The following METTL16 variants were observed in gnomAD, a reference collection of about 807,000 sequenced individuals.
METTL16 encodes the protein RNA N(6)-adenosine-methyltransferase METTL16.
Under a neutral mutation model 57.9 loss-of-function variants are expected in METTL16, and 19 were observed. That is an observed-to-expected ratio of 0.33 (90% CI 0.23 to 0.48). The LOEUF (loss-of-function observed/expected upper bound fraction) is 0.48. METTL16 is among the 20% of genes least tolerant of loss of function. METTL16 has a pLI of 0.99. For missense variants in METTL16, 434 were observed against 691.5 expected (o/e 0.63, Z 4.18); for synonymous variants, 246 against 255.6 (o/e 0.96, Z 0.36).
At chr17:2,445,436 T>C (rs976199102) in intron 6 of METTL16, among the ~76,000 whole-genome samples, 1 of 152,150 alleles carries the variant, frequency 6.6e-6, no homozygotes, top group Non-Finnish European at 1.5e-5. Context: ...AAACATCACC[T>C]TGTACCCCCC....
intron 1 of METTL16, among the ~76,000 whole-genome samples, chr17:2,502,721 A>T (rs2067498801): frequency 6.6e-6 from 1 of 152,088 alleles, no homozygotes; most frequent in Non-Finnish European, 1.5e-5. Context: ...AAAGCTGTGG[A>T]TGCCAAGTTA....
intron 2 of METTL16, among the ~76,000 whole-genome samples, chr17:2,494,268 C>G (rs2067424098): frequency 6.6e-6 from 1 of 152,148 alleles, no homozygotes; most frequent in Non-Finnish European, 1.5e-5. Context: ...GTGATCCACC[C>G]ACCTTGGCCT....
At position 2,451,736 on chromosome 17, in the gene METTL16, T is replaced by G. The variant is rs143025191; in HGVS notation, c.729-10177A>C. On this transcript the variant is annotated intron_variant, in intron 6 of 9. Coordinates refer to ENST00000263092, the MANE Select transcript of METTL16 (RefSeq NM_024086.4). ...GGAAGGAAGAGAAATCGGGAGCAAT[T>G]AGTGCTGACACAGTAACAGCATAAA... Among the ~76,000 whole-genome samples the G allele has an allele frequency of 2.1e-3, 326 of 152,116 alleles. 6 individuals carry two copies. The highest frequency in any genetic ancestry group is 7.2e-3 in the African/African-American group (301 of 41,536).
intron 6 of METTL16, among the ~76,000 whole-genome samples, chr17:2,445,988 G>A (rs2066992555): frequency 6.6e-6 from 1 of 151,962 alleles, no homozygotes; most frequent in South Asian, 2.1e-4. Context: ...CTGTATTAAT[G>A]GACTAAAAAG....
At chr17:2,454,981 C>T (rs910989217) in intron 6 of METTL16, among the ~76,000 whole-genome samples, 3 of 151,916 alleles carry the variant, frequency 2.0e-5, no homozygotes, top group Non-Finnish European at 4.4e-5. Flanking sequence ...AGTGCAGTGG[C>T]GCAATCTTGG....
At chr17:2,511,251 C>T (rs1216358340) in intron 1 of METTL16, among the ~76,000 whole-genome samples, 1 of 150,304 alleles carries the variant, frequency 6.7e-6, no homozygotes, top group Non-Finnish European at 1.5e-5. Context: ...CTCCATGCTT[C>T]TGTTTCCTTG....
At chr17:2,489,027 T>A (rs868122193) in intron 2 of METTL16, among the ~76,000 whole-genome samples, 14 of 152,060 alleles carry the variant, frequency 9.2e-5, no homozygotes, top group African/African-American at 3.1e-4. Context: ...CCATTACTGA[T>A]AACCCTAAGT....
At chr17:2,485,603 G>A (rs1283635880) in intron 2 of METTL16, among the ~76,000 whole-genome samples, 1 of 152,092 alleles carries the variant, frequency 6.6e-6, no homozygotes, top group East Asian at 1.9e-4. Context: ...GCACTACTTT[G>A]TTCAACTGAG....
At chr17:2,478,054 T>A (rs1434273686) in intron 2 of METTL16, among the ~76,000 whole-genome samples, 169 bp from the exon 3 acceptor site, 1 of 152,168 alleles carries the variant, frequency 6.6e-6, no homozygotes, top group East Asian at 1.9e-4. Context: ...TTTCACACAG[T>A]CACAGCTTAT....
intron 6 of METTL16, among the ~76,000 whole-genome samples, chr17:2,456,977 T>G (rs1238780705): frequency 6.6e-6 from 1 of 151,644 alleles, no homozygotes; most frequent in Non-Finnish European, 1.5e-5. Context: ...CAAAGCAGCT[T>G]TCTCCATTTT....
Position 2,467,934 on chromosome 17 carries a change from A to C in METTL16, c.470-58T>G. On this transcript the variant is annotated intron_variant, in intron 4 of 9. Transcript: ENST00000263092. ...TAATGTTGCAGTGGTTCTAAAGTATAACCGCGCACTGCGTAATGATTCTTT... is the reference window on the plus strand; with the variant it reads ...TAATGTTGCAGTGGTTCTAAAGTATCACCGCGCACTGCGTAATGATTCTTT... 3.5e-6 allele frequency: 4 copies of C among 1,154,958 alleles called. No individual in the cohort carries two copies. The South Asian group carries it at 5.0e-5, about 14-fold the overall frequency. 71.5% of individuals were successfully genotyped at this position (1,154,958 alleles called of 1,614,324 possible). A position where few individuals can be genotyped will look rare whatever the true frequency, so the allele number is the denominator to read the frequency against.
At chr17:2,446,256 T>G (rs545755076) in intron 6 of METTL16, among the ~76,000 whole-genome samples, 3 of 152,304 alleles carry the variant, frequency 2.0e-5, no homozygotes, top group African/African-American at 7.2e-5. Context: ...ATGGCCACTC[T>G]TCACCACTTC....
At chr17:2,468,426 T>A (rs1432766410) in intron 4 of METTL16, among the ~76,000 whole-genome samples, 1 of 152,184 alleles carries the variant, frequency 6.6e-6, no homozygotes, top group Non-Finnish European at 1.5e-5. Flanking sequence ...GAGTAAGCCA[T>A]CTTGGAAGCA....
intron 8 of METTL16, among the ~76,000 whole-genome samples, chr17:2,425,268 T>C (rs1384980674): frequency 3.9e-5 from 6 of 152,188 alleles, no homozygotes; most frequent in South Asian, 2.1e-4. Context: ...AAAACACAAA[T>C]ATTTTAAATG....
intron 4 of METTL16, among the ~76,000 whole-genome samples, chr17:2,468,929 T>G (rs1038291154): frequency 1.5e-4 from 22 of 143,390 alleles, no homozygotes; most frequent in African/African-American, 2.6e-4. Context: ...GTGTGTGTGT[T>G]TTTTTTTTCT....
chr17:2,473,135 T>C (rs564159695), intron 4 of METTL16, among the ~76,000 whole-genome samples: 10 of 152,174 alleles, frequency 6.6e-5, no homozygotes, highest in African/African-American at 1.2e-4. Flanking sequence ...CACTTCATTT[T>C]GCTATGAACC....
intron 6 of METTL16, among the ~76,000 whole-genome samples, chr17:2,446,034 A>G (rs1317205586): frequency 6.6e-6 from 1 of 152,194 alleles, no homozygotes; most frequent in Non-Finnish European, 1.5e-5. Flanking sequence ...GACTAGAAAA[A>G]GCATTTGGAA....
Position 2,439,156 on chromosome 17 carries a change from T to C in METTL16, c.799-958A>G, listed in dbSNP as rs558388348. Reference sequence around the variant, plus strand: ...ACAGGGTCTCGCTCTGTCGTCCAGATTGTAGTGCAGTGGCGTGATCTTAGC... The same window carrying C: ...ACAGGGTCTCGCTCTGTCGTCCAGACTGTAGTGCAGTGGCGTGATCTTAGC... On this transcript the variant is annotated intron_variant, in intron 7 of 9. Coordinates refer to ENST00000263092, the MANE Select transcript of METTL16 (RefSeq NM_024086.4). Among the ~76,000 whole-genome samples, 131 of 152,244 alleles carry C rather than the reference T, an allele frequency of 8.6e-4. 1 individual carries two copies. In the South Asian group the frequency reaches 8.7e-3, roughly 10 times the overall value.
intron 6 of METTL16, chr17:2,455,091 T>A (rs1747452457): frequency 5.4e-6 from 1 of 185,338 alleles, no homozygotes; most frequent in African/African-American, 2.4e-5. Context: ...CAGGTACTTT[T>A]TTTTTTTTTT....
Sources: allele counts gnomAD v4.1 joint callset (sites outside exome capture counted in the v4.1 genomes callset), GRCh38; gene constraint gnomAD v4.1.1; transcripts MANE v1.5; gene names NCBI Gene and HGNC (gene_info 2026-07-23, HGNC 2026-07-21).